The following RP1 variants were observed in gnomAD, a reference collection of about 807,000 sequenced individuals.
The protein encoded by RP1 is oxygen-regulated protein 1.
Under a neutral mutation model 14.8 loss-of-function variants are expected in RP1, and 16 were observed. The observed-to-expected ratio is 1.08, with a 90% confidence interval of 0.73 to 1.65. RP1 has a LOEUF of 1.65. Among genes scored for constraint, RP1 ranks in the 40% most tolerant of loss-of-function variants. The pLI, the probability that RP1 is intolerant of heterozygous loss-of-function variation, is 0.00. For synonymous variants in RP1, 876 were observed against 883.6 expected, an observed-to-expected ratio of 0.99 and a Z score of 0.15; for missense variants, 2,631 against 2,535.0, an observed-to-expected ratio of 1.04 and a Z score of -0.81.
At chr8:54,618,373 C>T (rs1805775218) in intron 1 of RP1, among the ~76,000 whole-genome samples, 1 of 152,080 alleles carries the variant, frequency 6.6e-6, no homozygotes, top group Non-Finnish European at 1.5e-5. Flanking sequence ...TAGCCAAAAC[C>T]GACAAACAAA....
At chr8:54,837,255 G>T (rs1290308795) in intron 24 of RP1, among the ~76,000 whole-genome samples, 1 of 152,100 alleles carries the variant, frequency 6.6e-6, no homozygotes, top group African/African-American at 2.4e-5. Flanking sequence ...TTAATTTATT[G>T]GTTTTTCCAT....
At position 54,628,050 on chromosome 8, in the gene RP1, C is replaced by T. The variant is rs1421106127; in HGVS notation, c.4168C>T (p.His1390Tyr). ...YKNGFNTLVS[H>Y]QNVSNLSSCG... Reference sequence around the variant, plus strand: ...AAATGGATTTAATACATTGGTGTCACATCAAAATGTCAGTAATTTAAGCTC... The same window carrying T: ...AAATGGATTTAATACATTGGTGTCATATCAAAATGTCAGTAATTTAAGCTC... The change falls in exon 4 of 4, where the codon CAT (histidine) becomes TAT (tyrosine). Residue 1390 changes from histidine to tyrosine, a missense_variant. Coordinates refer to ENST00000220676, the MANE Select transcript of RP1 (RefSeq NM_006269.2). The T allele has an allele frequency of 2.5e-6, 4 of 1,614,026 alleles. No individual in the cohort carries two copies. In the South Asian group the frequency reaches 3.3e-5, roughly 13 times the overall value.
chr8:54,570,352 A>G (rs1485169741), intron 1 of RP1, among the ~76,000 whole-genome samples: 1 of 149,018 alleles, frequency 6.7e-6, no homozygotes, highest in African/African-American at 2.5e-5. Flanking sequence ...TTTTTGAGAC[A>G]GAGTCTCGTT....
intron 15 of RP1, among the ~76,000 whole-genome samples, chr8:54,714,852 G>T (rs1021510702): frequency 6.6e-6 from 1 of 152,210 alleles, no homozygotes; most frequent in Non-Finnish European, 1.5e-5. Context: ...GCATGAAAGA[G>T]ATTTGAAGAA....
Position 54,625,336 on chromosome 8 carries a change from A to G in RP1, c.1454A>G (p.Tyr485Cys), listed in dbSNP as rs1222977743. Residue 485 changes from tyrosine (Y) to cysteine (C), a missense_variant, in exon 4 of 4, where the codon TAT becomes TGT. Tyr to Cys is a radical substitution (Grantham distance 194). Transcript: ENST00000220676. ...GAGAAAATGATTGGACAGTTTTCAT[A>G]TAGTGAAGAAAGGGAAAGTGGGGAA... ...VQEKMIGQFS[Y>C]SEERESGENK... 6.2e-7 allele frequency: 1 copy of G among 1,614,216 alleles called. No homozygotes were observed. The highest frequency in any genetic ancestry group is 1.1e-5 in the South Asian group (1 of 91,090).
chr8:54,714,596 C>T (rs981753915), intron 15 of RP1, among the ~76,000 whole-genome samples: 3 of 152,116 alleles, frequency 2.0e-5, no homozygotes, highest in Non-Finnish European at 4.4e-5. Flanking sequence ...AGCAGCATTC[C>T]CCACTCTCTA....
At chr8:54,728,075 T>C (rs954693777) in intron 17 of RP1, among the ~76,000 whole-genome samples, 5 of 152,112 alleles carry the variant, frequency 3.3e-5, no homozygotes, top group African/African-American at 1.2e-4. Context: ...GAAGCTCCTC[T>C]AAGGCAAATG....
In RP1 at chr8:54,755,843, A is replaced by T. The variant is rs551092718; in HGVS notation, c.3093+73A>T. The stretch of plus-strand genomic sequence containing the variant: ...GATGGCCACATATGATTTAAAATTT[A>T]AAAGGCGTTTGGCACTCTTCAAATT... On this transcript the variant is annotated intron_variant, in intron 21 of 22. Coordinates refer to the RP1 transcript ENST00000636932. The T allele has an allele frequency of 8.5e-5, 115 of 1,346,252 alleles. No individual in the cohort carries two copies. The African/African-American group carries it at 1.4e-3, about 16-fold the overall frequency. 83.4% of individuals were successfully genotyped at this position (1,346,252 alleles called of 1,614,324 possible). A position where few individuals can be genotyped will look rare whatever the true frequency, so the allele number is the denominator to read the frequency against.
chr8:54,620,543 C>T (rs922377756), intron 1 of RP1, among the ~76,000 whole-genome samples: 4 of 152,148 alleles, frequency 2.6e-5, no homozygotes, highest in Non-Finnish European at 4.4e-5. Flanking sequence ...TGTGACTGTA[C>T]GTATACATTT....
At chr8:54,700,144 G>T (rs1037241007) in intron 13 of RP1, among the ~76,000 whole-genome samples, 1 of 151,988 alleles carries the variant, frequency 6.6e-6, no homozygotes, top group African/African-American at 2.4e-5. Flanking sequence ...GTGGAAGCAG[G>T]AATTTAATAT....
intron 25 of RP1, among the ~76,000 whole-genome samples, chr8:54,841,591 A>G (rs1811791708): frequency 6.6e-6 from 1 of 152,208 alleles, no homozygotes; most frequent in Non-Finnish European, 1.5e-5. Flanking sequence ...TGGTGGGATT[A>G]TAGTGATCTC....
At chr8:54,622,789 T>C (rs1324201399) in intron 3 of RP1, among the ~76,000 whole-genome samples, 4 of 152,246 alleles carry the variant, frequency 2.6e-5, no homozygotes, top group Non-Finnish European at 1.5e-5. Context: ...AAAAGGTTCA[T>C]GCAACCAATT....
chr8:54,666,971 G>A (rs1807032472), intron 7 of RP1, among the ~76,000 whole-genome samples: 1 of 151,960 alleles, frequency 6.6e-6, no homozygotes, highest in African/African-American at 2.4e-5. Flanking sequence ...GCATTGAATA[G>A]GCACCTGGAC....
chr8:54,749,597 G>A (rs914712998), intron 19 of RP1, among the ~76,000 whole-genome samples: 2 of 152,132 alleles, frequency 1.3e-5, no homozygotes, highest in African/African-American at 4.8e-5. Context: ...GGGAGGACAT[G>A]AAAGAAAAGA....
At chr8:54,663,290 G>A (rs1393028408) in intron 6 of RP1, among the ~76,000 whole-genome samples, 1 of 152,040 alleles carries the variant, frequency 6.6e-6, no homozygotes, top group Admixed American at 6.6e-5. Context: ...AGTGATGCTG[G>A]CAATTTGGAT....
chr8:54,639,421 C>T (rs766374551), intron 3 of RP1, among the ~76,000 whole-genome samples: 44 of 152,144 alleles, frequency 2.9e-4, no homozygotes, highest in Non-Finnish European at 6.0e-4. Context: ...TTTTATCTTT[C>T]CTAGGTAAAT....
At chr8:54,600,159 C>T (rs772796307) in intron 1 of RP1, among the ~76,000 whole-genome samples, 1 of 152,070 alleles carries the variant, frequency 6.6e-6, no homozygotes, top group Non-Finnish European at 1.5e-5. Flanking sequence ...TGTGTCTTTC[C>T]CATGCTGTTC....
chr8:54,645,362 T>C (rs1806523965), intron 3 of RP1, among the ~76,000 whole-genome samples: 1 of 152,220 alleles, frequency 6.6e-6, no homozygotes, highest in Admixed American at 6.5e-5. Context: ...GAGTTCTAGT[T>C]GTTCTATGTC....
intron 3 of RP1, among the ~76,000 whole-genome samples, chr8:54,644,215 G>T (rs1157840729): frequency 6.6e-6 from 1 of 152,126 alleles, no homozygotes; most frequent in Non-Finnish European, 1.5e-5. Flanking sequence ...GAAAAAAGGG[G>T]TCATGTGTTC....
Sources: allele counts gnomAD v4.1 joint callset (sites outside exome capture counted in the v4.1 genomes callset), GRCh38; gene constraint gnomAD v4.1.1; transcripts MANE v1.5; gene names NCBI Gene and HGNC (gene_info 2026-07-23, HGNC 2026-07-21).